TRHDE: variants seen among roughly 807,000 people sequenced by gnomAD.
The protein encoded by TRHDE is thyrotropin releasing hormone degrading enzyme, also known as thyrotropin-releasing hormone-degrading ectoenzyme.
A neutral mutation model predicts 125.7 loss-of-function variants in TRHDE; 72 were observed. The observed-to-expected ratio is 0.57, with a 90% confidence interval of 0.47 to 0.70. The LOEUF is 0.70. Among genes scored for constraint, TRHDE ranks in the 30% least tolerant of loss-of-function variants. The pLI is 0.00. For missense variants in TRHDE, 1,110 were observed against 1,327.1 expected (o/e 0.84, Z 2.54); for synonymous variants, 509 against 509.1 (o/e 1.00, Z 0.00).
At chr12:72,301,818 A>C (rs1488489336) in intron 2 of TRHDE, among the ~76,000 whole-genome samples, 1 of 152,134 alleles carries the variant, frequency 6.6e-6, no homozygotes, top group African/African-American at 2.4e-5. Context: ...GACTGTAGGT[A>C]GGGTGGGGGA....
chr12:72,332,494 A>G (rs1023496331), intron 2 of TRHDE, among the ~76,000 whole-genome samples: 2 of 152,086 alleles, frequency 1.3e-5, no homozygotes, highest in Admixed American at 1.3e-4. Context: ...CACCCAGGGG[A>G]TGGTGCTAAA....
chr12:72,440,388 ATTAC>A (rs1286142101), intron 3 of TRHDE, among the ~76,000 whole-genome samples: 2 of 151,854 alleles, frequency 1.3e-5, no homozygotes, highest in African/African-American at 4.8e-5. Context: ...GAAACTTTTT[ATTAC>A]TTATTCAATC....
intron 7 of TRHDE, among the ~76,000 whole-genome samples, chr12:72,551,809 A>T (rs1336957248): frequency 6.6e-6 from 1 of 152,092 alleles, no homozygotes; most frequent in Non-Finnish European, 1.5e-5. Context: ...GGAAGCAAAA[A>T]ATAGGATGCT....
At chr12:72,541,117 C>T (rs1302847221) in intron 6 of TRHDE, among the ~76,000 whole-genome samples, 3 of 151,494 alleles carry the variant, frequency 2.0e-5, no homozygotes, top group South Asian at 2.1e-4. Flanking sequence ...TTACGATTTT[C>T]TTGTAAAAAG....
chr12:72,161,423 C>T (rs1048554193), intron 2 of TRHDE, among the ~76,000 whole-genome samples: 1 of 146,064 alleles, frequency 6.8e-6, no homozygotes, highest in Non-Finnish European at 1.5e-5. Context: ...CAGAGCGAGA[C>T]TCCGTCTCAA....
At chr12:72,131,327 C>T (rs1875860493) in intron 2 of TRHDE, among the ~76,000 whole-genome samples, 1 of 152,034 alleles carries the variant, frequency 6.6e-6, no homozygotes, top group South Asian at 2.1e-4. Context: ...CCGCCTCGGC[C>T]TCCCAAAGTG....
chr12:72,227,973 G>A (rs760048963), intron 2 of TRHDE, among the ~76,000 whole-genome samples: 56 of 152,216 alleles, frequency 3.7e-4, no homozygotes, highest in Admixed American at 2.4e-3. Context: ...TGGCTTTGCA[G>A]GATATAGACC....
intron 5 of TRHDE, among the ~76,000 whole-genome samples, chr12:72,476,881 T>C (rs1304193702): frequency 6.6e-6 from 1 of 152,190 alleles, no homozygotes; most frequent in Non-Finnish European, 1.5e-5. Flanking sequence ...AGCCAGTTTC[T>C]GATATAGAAT....
At chr12:72,536,496 C>T (rs1868866279) in intron 6 of TRHDE, among the ~76,000 whole-genome samples, 1 of 152,032 alleles carries the variant, frequency 6.6e-6, no homozygotes, top group Non-Finnish European at 1.5e-5. Context: ...GACAAGTCGT[C>T]TAGTTAGAGT....
At chr12:72,522,082 ACTACT>A (rs1462141635) in intron 6 of TRHDE, among the ~76,000 whole-genome samples, 2 of 152,174 alleles carry the variant, frequency 1.3e-5, no homozygotes, top group Non-Finnish European at 2.9e-5. Flanking sequence ...ATGCTGTATT[ACTACT>A]CTTTCCATCT....
intron 6 of TRHDE, among the ~76,000 whole-genome samples, chr12:72,512,948 C>T (rs1445304769): frequency 1.3e-5 from 2 of 151,928 alleles, no homozygotes; most frequent in Non-Finnish European, 2.9e-5. Context: ...ATTGATCTTT[C>T]CTATGGAATA....
At chr12:72,238,532 T>C (rs939001140) in intron 2 of TRHDE, among the ~76,000 whole-genome samples, 2 of 150,976 alleles carry the variant, frequency 1.3e-5, no homozygotes, top group Non-Finnish European at 2.9e-5. Flanking sequence ...CCTAATGCTA[T>C]CCCTCCCCTA....
At chr12:72,121,352 T>A (rs1875576517) in intron 2 of TRHDE, among the ~76,000 whole-genome samples, 1 of 152,200 alleles carries the variant, frequency 6.6e-6, no homozygotes, top group Non-Finnish European at 1.5e-5. Flanking sequence ...TCCAGAGCAC[T>A]TCAGCTCATA....
At chr12:72,274,707 A>T (rs568440864) in intron 1 of TRHDE, 1 of 152,330 alleles carries the variant, frequency 6.6e-6, no homozygotes, top group East Asian at 1.9e-4. Context: ...AGACCCAGGG[A>T]GTCTGGCTCT....
intron 12 of TRHDE, among the ~76,000 whole-genome samples, chr12:72,579,430 A>G (rs1165859420): frequency 6.6e-6 from 1 of 152,164 alleles, no homozygotes; most frequent in African/African-American, 2.4e-5. Flanking sequence ...CAAATTAAAA[A>G]CAAAAGATTA....
intron 2 of TRHDE, among the ~76,000 whole-genome samples, chr12:72,194,036 A>T (rs1319602099): frequency 6.6e-6 from 1 of 152,150 alleles, no homozygotes; most frequent in Non-Finnish European, 1.5e-5. Flanking sequence ...ATGATTCCTG[A>T]ATATCATGTT....
chr12:72,374,534 C>T (rs933151271), intron 2 of TRHDE, among the ~76,000 whole-genome samples: 5 of 152,028 alleles, frequency 3.3e-5, no homozygotes, highest in African/African-American at 1.2e-4. Flanking sequence ...GTAAAGAGAT[C>T]AATGTATTGA....
intron 10 of TRHDE, among the ~76,000 whole-genome samples, chr12:72,572,542 TAGAAC>T (rs1870796008): frequency 6.6e-6 from 1 of 152,054 alleles, no homozygotes; most frequent in Non-Finnish European, 1.5e-5. Flanking sequence ...TATAATTAAC[TAGAAC>T]TGAAAAGATA....
At chr12:72,291,382 C>T (rs1048110310) in intron 2 of TRHDE, among the ~76,000 whole-genome samples, 6 of 152,240 alleles carry the variant, frequency 3.9e-5, no homozygotes, top group African/African-American at 1.4e-4. Flanking sequence ...TTACCAGTTC[C>T]TTAATTATGG....
Sources: gnomAD v4.1 joint callset for allele counts (sites outside exome capture counted in the v4.1 genomes callset) on GRCh38, gnomAD v4.1.1 for gene constraint, MANE v1.5 for transcripts, NCBI Gene and HGNC (gene_info 2026-07-23, HGNC 2026-07-21) for gene names.